GALNT13: variants seen among roughly 807,000 people sequenced by gnomAD.
GALNT13 encodes polypeptide N-acetylgalactosaminyltransferase 13.
Under a neutral mutation model 64.2 loss-of-function variants are expected in GALNT13, and 28 were observed. That is an observed-to-expected ratio of 0.44 (90% CI 0.32 to 0.60). The LOEUF is 0.60. GALNT13 is among the 20% of genes least tolerant of loss of function. The probability of loss-of-function intolerance (pLI) is 0.05; values close to 1 mark genes in which losing one functional copy is unlikely to be tolerated. For synonymous variants in GALNT13, 214 were observed against 224.6 expected (o/e 0.95, Z 0.42); for missense variants, 577 against 669.8 (o/e 0.86, Z 1.53).
chr2:153,474,134 C>T, the GALNT13 span, among the ~76,000 whole-genome samples: 10 of 152,244 alleles, frequency 6.6e-5, no homozygotes, highest in East Asian at 1.9e-3. Flanking sequence ...AAAACATCTA[C>T]ACAAAAGATC....
chr2:153,258,647 TG>T, the GALNT13 span, among the ~76,000 whole-genome samples: 27 of 151,536 alleles, frequency 1.8e-4, no homozygotes, highest in African/African-American at 6.6e-4. Flanking sequence ...GGATTTAATA[TG>T]TTTTTTTTCC....
chr2:154,218,727 T>C (rs1056299195), intron 4 of GALNT13, among the ~76,000 whole-genome samples: 1 of 152,092 alleles, frequency 6.6e-6, no homozygotes, highest in Non-Finnish European at 1.5e-5. Context: ...CGTTTCAAGC[T>C]CCTCCATAAG....
At chr2:153,120,821 C>T in the GALNT13 span, among the ~76,000 whole-genome samples, 5 of 152,244 alleles carry the variant, frequency 3.3e-5, no homozygotes, top group East Asian at 1.9e-4. Flanking sequence ...TTTTGCCAGG[C>T]TCACAGCTGG....
the GALNT13 span, among the ~76,000 whole-genome samples, chr2:153,610,747 C>A: frequency 6.6e-6 from 1 of 151,854 alleles, no homozygotes; most frequent in African/African-American, 2.4e-5. Flanking sequence ...ATAAATGTAG[C>A]TAAAATAAAA....
chr2:154,034,657 A>C (rs1698548752), intron 3 of GALNT13, among the ~76,000 whole-genome samples: 1 of 152,182 alleles, frequency 6.6e-6, no homozygotes. Context: ...TAATGTACAC[A>C]TTGTTTAGTT....
the GALNT13 span, among the ~76,000 whole-genome samples, chr2:153,620,148 G>T: frequency 6.6e-6 from 1 of 151,880 alleles, no homozygotes; most frequent in African/African-American, 2.4e-5. Context: ...TTTTGAGACA[G>T]ATTCTCATTC....
intron 4 of GALNT13, among the ~76,000 whole-genome samples, chr2:154,166,473 A>G (rs1685028238): frequency 6.6e-6 from 1 of 152,158 alleles, no homozygotes; most frequent in Non-Finnish European, 1.5e-5. Flanking sequence ...AAAGTCAGGA[A>G]ACAACAGGTG....
At chr2:154,320,897 A>G (rs920114323) in intron 9 of GALNT13, among the ~76,000 whole-genome samples, 6 of 152,204 alleles carry the variant, frequency 3.9e-5, no homozygotes, top group Non-Finnish European at 8.8e-5. Context: ...TAACATTGAA[A>G]AGATCTTCTT....
At chr2:154,251,140 C>A (rs1690047739) in intron 7 of GALNT13, among the ~76,000 whole-genome samples, 1 of 151,988 alleles carries the variant, frequency 6.6e-6, no homozygotes. Context: ...GAGAAGAAAA[C>A]TAGGGTAATA....
intron 4 of GALNT13, among the ~76,000 whole-genome samples, chr2:154,174,204 G>A (rs1372931478): frequency 1.3e-5 from 2 of 152,146 alleles, no homozygotes; most frequent in African/African-American, 4.8e-5. Context: ...CTGATTGGCT[G>A]GATGGTCTAA....
chr2:153,774,791 T>C, the GALNT13 span, among the ~76,000 whole-genome samples: 1 of 152,238 alleles, frequency 6.6e-6, no homozygotes, highest in African/African-American at 2.4e-5. Context: ...GCACCTGTAA[T>C]CCTAGTTACT....
intron 4 of GALNT13, among the ~76,000 whole-genome samples, chr2:154,152,317 C>A (rs1684090352): frequency 6.6e-6 from 1 of 152,096 alleles, no homozygotes; most frequent in African/African-American, 2.4e-5. Flanking sequence ...GTCTGATGGG[C>A]TTCCCTTTGT....
At chr2:153,865,097 G>T in the GALNT13 span, among the ~76,000 whole-genome samples, 3 of 141,452 alleles carry the variant, frequency 2.1e-5, no homozygotes, top group Admixed American at 1.5e-4. Flanking sequence ...TGGGAAAACT[G>T]GCTAGCCATA....
chr2:154,378,492 T>C (rs1698105058), intron 9 of GALNT13, among the ~76,000 whole-genome samples: 1 of 152,184 alleles, frequency 6.6e-6, no homozygotes, highest in African/African-American at 2.4e-5. Flanking sequence ...ACTAATGTAA[T>C]GTAGTTTACA....
At chr2:153,717,089 G>T in the GALNT13 span, among the ~76,000 whole-genome samples, 1 of 151,996 alleles carries the variant, frequency 6.6e-6, no homozygotes, top group Non-Finnish European at 1.5e-5. Flanking sequence ...ATATTGCTGG[G>T]GCCCTTTGGA....
At chr2:154,357,061 A>C (rs1179306309) in intron 9 of GALNT13, among the ~76,000 whole-genome samples, 3 of 152,056 alleles carry the variant, frequency 2.0e-5, no homozygotes, top group Non-Finnish European at 4.4e-5. Context: ...TATATTTGGT[A>C]TTACATGAAC....
the GALNT13 span, among the ~76,000 whole-genome samples, chr2:153,286,684 A>G: frequency 2.8e-4 from 42 of 152,248 alleles, no homozygotes; most frequent in African/African-American, 9.6e-4. Context: ...AAAAGCTTCA[A>G]AAATCGTGTT....
intron 3 of GALNT13, among the ~76,000 whole-genome samples, chr2:154,096,451 A>G (rs976555813): frequency 6.6e-6 from 1 of 152,040 alleles, no homozygotes; most frequent in African/African-American, 2.4e-5. Flanking sequence ...AAAATGACAA[A>G]AATATTTCTC....
chr2:153,346,207 A>G, the GALNT13 span, among the ~76,000 whole-genome samples: 1 of 152,138 alleles, frequency 6.6e-6, no homozygotes, highest in East Asian at 1.9e-4. Context: ...TACAGCATGA[A>G]TCATAATGCC....
Sources: allele counts gnomAD v4.1 joint callset (sites outside exome capture counted in the v4.1 genomes callset), GRCh38; gene constraint gnomAD v4.1.1; transcripts MANE v1.5; gene names NCBI Gene and HGNC (gene_info 2026-07-23, HGNC 2026-07-21).